WDR27: variants seen among roughly 807,000 people sequenced by gnomAD.
The protein encoded by WDR27 is WD repeat domain 27, also known as WD repeat-containing protein 27.
A neutral mutation model predicts 114.4 loss-of-function variants in WDR27; 100 were observed. The ratio of observed to expected loss-of-function variants is 0.87; its 90% confidence interval spans 0.74 to 1.03. WDR27 has a LOEUF of 1.03. WDR27 is among the 50% of genes least tolerant of loss of function. The pLI is 0.00. For missense variants in WDR27, 1,129 were observed against 1,092.9 expected (o/e 1.03, Z -0.47); for synonymous variants, 449 against 423.1 (o/e 1.06, Z -0.75).
intron 25 of WDR27, among the ~76,000 whole-genome samples, chr6:169,520,290 T>C (rs1794210872): frequency 6.6e-6 from 1 of 152,200 alleles, no homozygotes; most frequent in African/African-American, 2.4e-5. Context: ...TCTGATTATT[T>C]ACTAGAACTG....
At chr6:169,463,495 C>T (rs1446527263) in intron 25 of WDR27, among the ~76,000 whole-genome samples, 1 of 152,146 alleles carries the variant, frequency 6.6e-6, no homozygotes, top group African/African-American at 2.4e-5. Context: ...GGCAAGGATG[C>T]CCGCTTTCAT....
In WDR27 at chr6:169,659,634, G is replaced by A. The variant is rs1415849837; in HGVS notation, c.1130-116C>T. On this transcript the variant is annotated intron_variant, in intron 10 of 25. Transcript: ENST00000448612. The surrounding 1 kb of genome is among the most constrained non-coding windows in gnomAD (Gnocchi z 4.3). Reference sequence around the variant, plus strand: ...CCAGAGCCCACCACACACAGTCCAGGCCCCACCACACACTTTGCAGGCTGT... The same window carrying A: ...CCAGAGCCCACCACACACAGTCCAGACCCCACCACACACTTTGCAGGCTGT... The A allele has an allele frequency of 3.2e-6, 3 of 929,704 alleles. No homozygotes were observed. Among genetic ancestry groups the A allele is most frequent in the South Asian group, 2.9e-5 (2 of 68,370 alleles). The allele number at this position is 929,704 out of a possible 1,614,324, so 57.6% of individuals were successfully genotyped here.
At chr6:169,465,998 G>A (rs1427607802) in intron 25 of WDR27, among the ~76,000 whole-genome samples, 1 of 152,192 alleles carries the variant, frequency 6.6e-6, no homozygotes, top group African/African-American at 2.4e-5. Flanking sequence ...ATAGACTTAA[G>A]AATGGTTAAG....
At chr6:169,509,400 C>G (rs1583864791) in intron 25 of WDR27, among the ~76,000 whole-genome samples, 1 of 152,250 alleles carries the variant, frequency 6.6e-6, no homozygotes, top group African/African-American at 2.4e-5. Context: ...CTACAGTAAC[C>G]AAAACAGCAT....
intron 21 of WDR27, among the ~76,000 whole-genome samples, chr6:169,625,297 G>A (rs1002437303): frequency 2.0e-5 from 3 of 152,218 alleles, no homozygotes; most frequent in African/African-American, 7.2e-5. Flanking sequence ...TCCTCAAGAT[G>A]AGACTCTCAC....
In WDR27 at chr6:169,524,811, C is replaced by G. The variant is rs147785426; in HGVS notation, c.2645+47608G>C. Among the ~76,000 whole-genome samples the G allele has an allele frequency of 2.8e-3, 431 of 152,268 alleles. 3 individuals are homozygous for G. Among genetic ancestry groups the G allele is most frequent in the African/African-American group, 9.7e-3 (404 of 41,554 alleles). On this transcript the variant is annotated intron_variant, in intron 25 of 25. Transcript: ENST00000448612. The stretch of plus-strand genomic sequence containing the variant: ...TGGATTAAAGACTTAAATCCAAGAC[C>G]TGAATCTATGAAACTACTGGAAGAA...
chr6:169,634,570 G>T, intron 19 of WDR27, 45 bp from the exon 20 acceptor site: 2 of 1,280,608 alleles, frequency 1.6e-6, no homozygotes, highest in Non-Finnish European at 2.2e-6. Context: ...CTTTCCTTCT[G>T]CTACAACTAA....
downstream of WDR27, among the ~76,000 whole-genome samples, chr6:169,456,620 T>G (rs1267808530): frequency 6.6e-6 from 1 of 152,116 alleles, no homozygotes; most frequent in Non-Finnish European, 1.5e-5. This position sits in a 1 kb window ranked among gnomAD's most constrained non-coding sequence, Gnocchi z 4.0. Context: ...ACAGGCAGCC[T>G]CTGGAGCCCT....
At chr6:169,559,070 C>A (rs1277118130) in intron 25 of WDR27, 2 of 152,228 alleles carry the variant, frequency 1.3e-5, no homozygotes, top group Admixed American at 1.3e-4. Flanking sequence ...GTTTCCTTCT[C>A]TTTCTGCTGA....
chr6:169,457,696 A>T, intron 25 of WDR27, 62 bp from the exon 26 acceptor site: 1 of 1,321,092 alleles, frequency 7.6e-7, no homozygotes, highest in Non-Finnish European at 1.1e-6. Flanking sequence ...ATAACTCTAT[A>T]AGAAAATAAG....
chr6:169,488,926 A>G (rs891133110), intron 25 of WDR27, among the ~76,000 whole-genome samples: 9 of 150,530 alleles, frequency 6.0e-5, no homozygotes, highest in Non-Finnish European at 1.0e-4. Context: ...GTGGGCGTCA[A>G]ATGGCACATT....
intron 25 of WDR27, among the ~76,000 whole-genome samples, chr6:169,519,590 C>A (rs1260142497): frequency 1.3e-5 from 2 of 152,064 alleles, no homozygotes; most frequent in Non-Finnish European, 1.5e-5. Context: ...GTAAGGAGAG[C>A]ACCAAGCCAT....
chr6:169,494,090 G>C (rs565385126), intron 25 of WDR27, among the ~76,000 whole-genome samples: 1 of 152,156 alleles, frequency 6.6e-6, no homozygotes, highest in Non-Finnish European at 1.5e-5. Flanking sequence ...GCATTATAAT[G>C]GTTAATATTC....
intron 16 of WDR27, among the ~76,000 whole-genome samples, chr6:169,646,575 C>T (rs1820794624): frequency 6.6e-6 from 1 of 152,022 alleles, no homozygotes; most frequent in African/African-American, 2.4e-5. Context: ...TGGTGAAACC[C>T]CATCTCTACT....
In WDR27 at chr6:169,634,419, A is replaced by C; in HGVS notation, c.2101+9T>G. ...GTAAAACCCTACCAGGATCCGGGAG[A>C]AAGGATACGGGAATAAAAGTCGTTG... On this transcript the variant is annotated intron_variant, in intron 20 of 25. Coordinates refer to ENST00000448612, the MANE Select transcript of WDR27 (RefSeq NM_182552.5). The C allele has an allele frequency of 6.2e-7, 1 of 1,604,550 alleles. No homozygotes were observed. Among genetic ancestry groups the C allele is most frequent in the Non-Finnish European group, 8.5e-7 (1 of 1,173,696 alleles).
At chr6:169,532,236 C>T (rs1795691065) in intron 25 of WDR27, among the ~76,000 whole-genome samples, 1 of 151,986 alleles carries the variant, frequency 6.6e-6, no homozygotes, top group Admixed American at 6.5e-5. Context: ...CATTTTTATA[C>T]TTCACATAAT....
rs139989177 is a variant in WDR27 at position 169,607,531 on chromosome 6, C to T, written c.2322-5210G>A. 5.2e-3 allele frequency among the ~76,000 whole-genome samples: 786 copies of T among 151,944 alleles called. 15 individuals are homozygous for T. The highest frequency in any genetic ancestry group is 0.018 in the African/African-American group (729 of 41,410). ...TAAGTGAAACAACTCAGAAACAGAA[C>T]GACAAATACCACATGTTCCCACCTA... On this transcript the variant is annotated intron_variant, in intron 22 of 25. Coordinates refer to ENST00000448612, the MANE Select transcript of WDR27 (RefSeq NM_182552.5).
At chr6:169,614,216 A>G (rs1211362907) in intron 21 of WDR27, among the ~76,000 whole-genome samples, 1 of 152,198 alleles carries the variant, frequency 6.6e-6, no homozygotes, top group Non-Finnish European at 1.5e-5. Context: ...CTACAGAACC[A>G]TTTGACACAA....
At chr6:169,672,049 T>A in intron 3 of WDR27, 1 of 472,252 alleles carries the variant, frequency 2.1e-6, no homozygotes, top group South Asian at 4.5e-5. Context: ...CAAAGGTCCG[T>A]AAGTCTGAAT....
Sources: gnomAD v4.1 joint callset for allele counts (sites outside exome capture counted in the v4.1 genomes callset) on GRCh38, gnomAD v4.1.1 for gene constraint, Gnocchi (gnomAD v3.1) non-coding constraint, MANE v1.5 for transcripts, NCBI Gene and HGNC (gene_info 2026-07-23, HGNC 2026-07-21) for gene names.